Variants in NELL2 observed in about 807,000 individuals in gnomAD.
NELL2 encodes protein kinase C-binding protein NELL2.
A neutral mutation model predicts 109.6 loss-of-function variants in NELL2; 41 were observed. The observed-to-expected ratio is 0.37, with a 90% CI of 0.29 to 0.49. NELL2 has a LOEUF of 0.49. Among genes scored for constraint, NELL2 ranks in the 20% least tolerant of loss-of-function variants. The pLI, the probability that NELL2 is intolerant of heterozygous loss-of-function variation, is 0.98. For synonymous variants in NELL2, 355 were observed against 344.7 expected, an observed-to-expected ratio of 1.03 and a Z score of -0.33; for missense variants, 900 against 1,008.3, an observed-to-expected ratio of 0.89 and a Z score of 1.45.
intron 13 of NELL2, among the ~76,000 whole-genome samples, chr12:44,637,517 T>C (rs529874688): frequency 2.1e-4 from 29 of 135,652 alleles, no homozygotes; most frequent in African/African-American, 7.9e-4. Flanking sequence ...TGTGAGCGAA[T>C]AACAGGGAGA....
intron 19 of NELL2, among the ~76,000 whole-genome samples, chr12:44,515,077 T>C (rs1446610187): frequency 1.3e-5 from 2 of 151,576 alleles, no homozygotes; most frequent in Non-Finnish European, 3.0e-5. Context: ...GATAAACAGG[T>C]GTATAAAATA....
chr12:44,911,312 C>A (rs948860217), intron 1 of NELL2, among the ~76,000 whole-genome samples: 7 of 151,734 alleles, frequency 4.6e-5, no homozygotes, highest in African/African-American at 1.7e-4. Flanking sequence ...TCATTCTGAA[C>A]ATTGATTAGT....
intron 13 of NELL2, among the ~76,000 whole-genome samples, chr12:44,653,871 A>C (rs1017632350): frequency 1.3e-5 from 2 of 152,234 alleles, no homozygotes; most frequent in Non-Finnish European, 2.9e-5. Context: ...AGAAACCATA[A>C]ATGTGTCTTA....
intron 12 of NELL2, among the ~76,000 whole-genome samples, chr12:44,680,622 G>A (rs1042821595): frequency 5.3e-5 from 8 of 152,008 alleles, no homozygotes; most frequent in Admixed American, 4.6e-4. Context: ...CTTCACCAAT[G>A]CTTCACACTC....
chr12:44,704,835 A>G (rs548852195), intron 11 of NELL2, among the ~76,000 whole-genome samples: 77 of 152,186 alleles, frequency 5.1e-4, no homozygotes, highest in African/African-American at 1.7e-3. Flanking sequence ...CCTGGCCAAC[A>G]TGGTGAAACC....
At chr12:44,865,907 T>A (rs549828155) in intron 2 of NELL2, among the ~76,000 whole-genome samples, 1 of 152,084 alleles carries the variant, frequency 6.6e-6, no homozygotes, top group Non-Finnish European at 1.5e-5. Context: ...ATTGCTATGG[T>A]TTAAGTGTAT....
chr12:44,664,052 T>C (rs996420986), intron 13 of NELL2, among the ~76,000 whole-genome samples: 1 of 152,150 alleles, frequency 6.6e-6, no homozygotes, highest in Non-Finnish European at 1.5e-5. Context: ...TTTATCTTAG[T>C]TTTCTTGTTA....
chr12:44,595,898 T>A (rs1328935299), intron 15 of NELL2, among the ~76,000 whole-genome samples: 1 of 152,156 alleles, frequency 6.6e-6, no homozygotes, highest in Non-Finnish European at 1.5e-5. Context: ...AATCAGCTGT[T>A]TGCTTGCCTC....
In NELL2 at chr12:44,610,327, C is replaced by T. The variant is rs143198808; in HGVS notation, c.1567+521G>A. 8.6e-5 allele frequency among the ~76,000 whole-genome samples: 13 copies of T among 150,638 alleles called. No homozygotes were observed. In the East Asian group the frequency reaches 2.0e-3, roughly 23 times the overall value. ...GGTAGCATAACAAATAGGTTGACAACGCTGCCAGAAAACAGCTATGATGAT... is the reference window on the plus strand; with the variant it reads ...GGTAGCATAACAAATAGGTTGACAATGCTGCCAGAAAACAGCTATGATGAT... On this transcript the variant is annotated intron_variant, in intron 14 of 19. Transcript: ENST00000429094.
At chr12:44,846,194 C>T (rs1022546374) in intron 2 of NELL2, among the ~76,000 whole-genome samples, 1 of 152,198 alleles carries the variant, frequency 6.6e-6, no homozygotes, top group African/African-American at 2.4e-5. Flanking sequence ...GTTCACATAG[C>T]ATCTGTGGTT....
At chr12:44,741,966 T>C (rs1939998565) in intron 9 of NELL2, among the ~76,000 whole-genome samples, 1 of 152,094 alleles carries the variant, frequency 6.6e-6, no homozygotes, top group Non-Finnish European at 1.5e-5. Flanking sequence ...AGAGTAGTGG[T>C]TCTCCCAGCA....
chr12:44,668,289 C>A (rs922206441), intron 12 of NELL2, among the ~76,000 whole-genome samples: 21 of 152,268 alleles, frequency 1.4e-4, no homozygotes, highest in African/African-American at 5.1e-4. Context: ...CTGAGAGCCG[C>A]CTGCCCAGGG....
intron 3 of NELL2, among the ~76,000 whole-genome samples, chr12:44,791,080 T>TATATATACAC (rs1227249223): frequency 3.2e-5 from 1 of 30,936 alleles, no homozygotes; most frequent in African/African-American, 8.3e-5. Context: ...TATATATATA[T>TATATATACAC]ACATATATAT....
intron 15 of NELL2, among the ~76,000 whole-genome samples, chr12:44,604,518 CAT>C (rs1408311454): frequency 1.3e-5 from 2 of 152,180 alleles, no homozygotes; most frequent in Non-Finnish European, 2.9e-5. Context: ...ATTGATCACT[CAT>C]GTGTGCATTT....
chr12:44,521,529 C>CAAAAAAAAAA (rs56713964), intron 18 of NELL2, among the ~76,000 whole-genome samples: 12 of 111,412 alleles, frequency 1.1e-4, no homozygotes, highest in African/African-American at 3.7e-4. Flanking sequence ...GACTCCGTCT[C>CAAAAAAAAAA]AAAAAAAAAA....
rs571674316 is a variant in NELL2 at position 44,637,066 on chromosome 12, G to T, written c.1445-26096C>A. ...GAGGTGTTTATAGTATTCTCTGATGGCAGTTTGTATTTCTGTGGGATCAGT... is the reference window on the plus strand; with the variant it reads ...GAGGTGTTTATAGTATTCTCTGATGTCAGTTTGTATTTCTGTGGGATCAGT... On this transcript the variant is annotated intron_variant, in intron 13 of 19. Transcript: ENST00000429094. 1.8e-3 allele frequency among the ~76,000 whole-genome samples: 270 copies of T among 152,014 alleles called. 2 individuals are homozygous for T. The highest frequency in any genetic ancestry group is 6.2e-3 in the African/African-American group (256 of 41,450).
Position 44,885,710 on chromosome 12 carries a change from T to C in NELL2, c.39-9810A>G, listed in dbSNP as rs145419447. 4.4e-3 allele frequency among the ~76,000 whole-genome samples: 665 copies of C among 152,022 alleles called. 3 individuals carry two copies. The highest frequency in any genetic ancestry group is 7.8e-3 in the Non-Finnish European group (527 of 67,988). ...TGTTAAGATATCAATTATCTTCATA[T>C]TGATATAAAGATTCAAGAAAATCTC... On this transcript the variant is annotated intron_variant, in intron 1 of 20. Coordinates refer to the NELL2 transcript ENST00000333837.
chr12:44,635,695 C>G (rs1946613098), intron 13 of NELL2, among the ~76,000 whole-genome samples: 1 of 152,126 alleles, frequency 6.6e-6, no homozygotes, highest in African/African-American at 2.4e-5. Context: ...AGACTTGTAG[C>G]ATAGTTTGAA....
intron 12 of NELL2, among the ~76,000 whole-genome samples, chr12:44,675,881 A>AG (rs1367548698): frequency 2.0e-5 from 3 of 152,282 alleles, no homozygotes; most frequent in Admixed American, 2.0e-4. Context: ...GTTTAAAATT[A>AG]GTCTATGGAC....
Sources: allele counts gnomAD v4.1 joint callset (sites outside exome capture counted in the v4.1 genomes callset), GRCh38; gene constraint gnomAD v4.1.1; transcripts MANE v1.5; gene names NCBI Gene and HGNC (gene_info 2026-07-23, HGNC 2026-07-21).